Variants in PAQR5 observed in about 807,000 individuals in gnomAD.
The protein encoded by PAQR5 is progestin and adipoQ receptor family member 5, also known as membrane progestin receptor gamma.
A neutral mutation model predicts 34.5 loss-of-function variants in PAQR5; 20 were observed. That is an observed-to-expected ratio of 0.58 (90% CI 0.41 to 0.84). PAQR5 has a LOEUF of 0.84. Among genes scored for constraint, PAQR5 ranks in the 40% least tolerant of loss-of-function variants. PAQR5 has a pLI of 0.00. For synonymous variants in PAQR5, 131 were observed against 155.6 expected, an observed-to-expected ratio of 0.84 and a Z score of 1.18; for missense variants, 378 against 412.7, an observed-to-expected ratio of 0.92 and a Z score of 0.73.
intron 3 of PAQR5, among the ~76,000 whole-genome samples, chr15:69,378,436 C>CA (rs1235264927): frequency 0.85 from 44,658 of 52,644 alleles, 19,450 homozygotes; most frequent in Non-Finnish European, 0.89. Context: ...GACCCTGTCT[C>CA]AAAAAAAAAA....
chr15:69,342,133 G>GT (rs2054658982), intron 2 of PAQR5, among the ~76,000 whole-genome samples: 1 of 151,964 alleles, frequency 6.6e-6, no homozygotes, highest in East Asian at 1.9e-4. Context: ...TACCTTCTGT[G>GT]TTTTTTGTTT....
Position 69,384,766 on chromosome 15 carries a change from C to G in PAQR5, c.269C>G (p.Thr90Ser). Reference sequence around the variant, plus strand: ...TGGCCCATGCTTGTGTACATGTGCACCAGCTGCGTGTACCCACTTGTGTCC... The same window carrying G: ...TGGCCCATGCTTGTGTACATGTGCAGCAGCTGCGTGTACCCACTTGTGTCC... Reference protein sequence around the residue: ...YSWPMLVYMCTSCVYPLVSSC... With the variant: ...YSWPMLVYMCSSCVYPLVSSC... The change falls in exon 5 of 9, where the codon ACC becomes AGC. Residue 90 changes from threonine to serine, a missense_variant. Physicochemically the swap from Thr to Ser is moderately conservative, Grantham distance 58 (BLOSUM62 1). Transcript: ENST00000395407. 1 of 1,613,572 alleles carries G rather than the reference C, an allele frequency of 6.2e-7. No homozygotes were observed.
intron 2 of PAQR5, among the ~76,000 whole-genome samples, chr15:69,351,777 C>T (rs1293155576): frequency 6.6e-6 from 1 of 152,158 alleles, no homozygotes; most frequent in African/African-American, 2.4e-5. Context: ...GGGCCTTCTA[C>T]CTCGGTGTAA....
chr15:69,403,566 TTG>T lies in PAQR5; in HGVS notation c.752-11_752-10del. On this transcript the variant is annotated splice_polypyrimidine_tract_variant and intron_variant, in intron 8 of 8. Transcript: ENST00000395407. ...TTTCATTGCTGATCTTGACGGCCTT[TTG>T]TGTTTGCCATAGGTCACAGTCACCA... 1 of 1,613,086 alleles carries T rather than the reference TTG, an allele frequency of 6.2e-7. No homozygotes were observed. The highest frequency in any genetic ancestry group is 8.5e-7 in the Non-Finnish European group (1 of 1,179,030).
intron 2 of PAQR5, among the ~76,000 whole-genome samples, chr15:69,358,632 C>CTTTTTTTTTTTTTTTTTTTT (rs1567019143): frequency 1.5e-4 from 1 of 6,570 alleles, no homozygotes; most frequent in Non-Finnish European, 3.2e-4. Flanking sequence ...AGCTCTGTGG[C>CTTTTTTTTTTTTTTTTTTTT]ATTTTTTTTT....
chr15:69,380,105 CTGTGCTGGGGTTT>C, intron 4 of PAQR5, 95 bp downstream of exon 4: 4 of 1,406,478 alleles, frequency 2.8e-6, no homozygotes, highest in Non-Finnish European at 3.9e-6. Context: ...GGCTGAGATT[CTGTGCTGGGGTTT>C]GGGGATCCCC....
At chr15:69,348,603 G>A (rs2054832555) in intron 2 of PAQR5, among the ~76,000 whole-genome samples, 1 of 152,156 alleles carries the variant, frequency 6.6e-6, no homozygotes, top group African/African-American at 2.4e-5. Flanking sequence ...TTAATTTTAG[G>A]TGTCAACTTG....
chr15:69,355,014 C>T (rs1419615749), intron 2 of PAQR5, among the ~76,000 whole-genome samples: 1 of 152,166 alleles, frequency 6.6e-6, no homozygotes, highest in African/African-American at 2.4e-5. Flanking sequence ...AGAGTTAAAC[C>T]ATCAGGTTCC....
chr15:69,330,445 T>G (rs1221249528), intron 1 of PAQR5, among the ~76,000 whole-genome samples: 1 of 151,842 alleles, frequency 6.6e-6, no homozygotes, highest in East Asian at 1.9e-4. Context: ...GGTTTAGGAG[T>G]CATGCAGTTG....
rs185866864 is a variant in PAQR5, at chr15:69,380,272, G to A, written c.179+262G>A. 6.1e-4 allele frequency: 241 copies of A among 394,076 alleles called. 1 individual carries two copies. Among genetic ancestry groups the A allele is most frequent in the African/African-American group, 4.4e-3 (218 of 49,284 alleles). 24.4% of individuals were successfully genotyped at this position (394,076 alleles called of 1,614,324 possible). A position where few individuals can be genotyped will look rare whatever the true frequency, so the allele number is the denominator to read the frequency against. ...CTCAGTCCTTCCTGCTCCCTGCTCC[G>A]GTGCCTGATATGATAGCATTTACCT... On this transcript the variant is annotated intron_variant, in intron 4 of 8. Coordinates refer to ENST00000395407, the MANE Select transcript of PAQR5 (RefSeq NM_017705.4).
chr15:69,330,682 C>G (rs938490550), intron 1 of PAQR5, among the ~76,000 whole-genome samples: 5 of 152,324 alleles, frequency 3.3e-5, no homozygotes, highest in East Asian at 1.9e-4. Flanking sequence ...ACCCACCCCC[C>G]AACCACCAAC....
intron 5 of PAQR5, among the ~76,000 whole-genome samples, chr15:69,386,223 C>T (rs1450028959): frequency 6.6e-6 from 1 of 151,078 alleles, no homozygotes; most frequent in Non-Finnish European, 1.5e-5. Flanking sequence ...CACTCACACT[C>T]TCACATACAT....
At chr15:69,348,572 G>C (rs1309391280) in intron 2 of PAQR5, among the ~76,000 whole-genome samples, 1 of 152,158 alleles carries the variant, frequency 6.6e-6, no homozygotes, top group Non-Finnish European at 1.5e-5. Flanking sequence ...GTTTGCATGT[G>C]TTAGTTGGGT....
rs1454912828 is a variant in PAQR5, at chr15:69,348,887, C to T, written c.-115-11079C>T. Among the ~76,000 whole-genome samples the T allele has an allele frequency of 3.9e-5, 6 of 152,238 alleles. No individual in the cohort carries two copies. In the East Asian group the frequency reaches 5.8e-4, roughly 15 times the overall value. On this transcript the variant is annotated intron_variant, in intron 2 of 8. Coordinates refer to ENST00000395407, the MANE Select transcript of PAQR5 (RefSeq NM_017705.4). ...GGAGTGGGATGGTGTGAGATTTCAC[C>T]GTGCCACTCGAACTTTGCACTATTT...
At chr15:69,397,775 C>T in intron 7 of PAQR5, 2 of 595,474 alleles carry the variant, frequency 3.4e-6, no homozygotes, top group East Asian at 2.8e-5. Flanking sequence ...GAAGATTTTT[C>T]TTAGTACAGA....
chr15:69,389,859 G>A (rs2056209916), intron 6 of PAQR5, 79 bp downstream of exon 6: 1 of 1,511,092 alleles, frequency 6.6e-7, no homozygotes, highest in African/African-American at 1.4e-5. Flanking sequence ...AGGGAGCCGG[G>A]GAAGAGGTGG....
chr15:69,377,288 T>C (rs972821572), intron 3 of PAQR5, among the ~76,000 whole-genome samples: 2 of 152,074 alleles, frequency 1.3e-5, no homozygotes, highest in Non-Finnish European at 2.9e-5. Flanking sequence ...GCTTTCCGAG[T>C]CCTGCCAAGC....
At chr15:69,401,482 G>A (rs958597127) in intron 8 of PAQR5, among the ~76,000 whole-genome samples, 1 of 152,212 alleles carries the variant, frequency 6.6e-6, no homozygotes, top group Non-Finnish European at 1.5e-5. Flanking sequence ...GGAGTCACCA[G>A]CATCCTGACT....
chr15:69,383,653 A>C (rs1400237561), intron 4 of PAQR5, among the ~76,000 whole-genome samples: 1 of 108,934 alleles, frequency 9.2e-6, no homozygotes, highest in Admixed American at 8.6e-5. Context: ...TTCATCGTGG[A>C]GGGTGAGCGG....
Sources: allele counts gnomAD v4.1 joint callset (sites outside exome capture counted in the v4.1 genomes callset), GRCh38; gene constraint gnomAD v4.1.1; transcripts MANE v1.5; gene names NCBI Gene and HGNC (gene_info 2026-07-23, HGNC 2026-07-21).